Variants in RAD17 observed in about 807,000 individuals in gnomAD.
The protein encoded by RAD17 is cell cycle checkpoint protein RAD17.
RAD17 carries 31 observed loss-of-function variants against 81.5 expected under a neutral mutation model. The observed-to-expected ratio is 0.38, with a 90% CI of 0.29 to 0.51. The LOEUF (loss-of-function observed/expected upper bound fraction) is 0.51. Among genes scored for constraint, RAD17 ranks in the 20% least tolerant of loss-of-function variants. RAD17 has a pLI of 0.88. For missense variants in RAD17, 681 were observed against 781.2 expected (o/e 0.87, Z 1.53); for synonymous variants, 261 against 266.2 (o/e 0.98, Z 0.19).
At chr5:69,393,645 G>T in intron 15 of RAD17, 145 bp downstream of exon 15, 1 of 717,688 alleles carries the variant, frequency 1.4e-6, no homozygotes, top group Non-Finnish European at 2.2e-6. Context: ...AACCAACTCA[G>T]TGTTTATAAT....
chr5:69,371,192 G>T (rs1554037384), intron 2 of RAD17, 21 bp downstream of exon 2: 8 of 498,190 alleles, frequency 1.6e-5, no homozygotes, highest in South Asian at 5.0e-5. Flanking sequence ...AGTATGTGTG[G>T]TTTTTTTGTT....
Position 69,385,045 on chromosome 5 carries a change from T to C in RAD17, c.645+112T>C, listed in dbSNP as rs186670274. 9.0e-3 allele frequency: 8,527 copies of C among 946,598 alleles called. 45 individuals carry two copies. Among genetic ancestry groups the C allele is most frequent in the Non-Finnish European group, 0.01 (7,128 of 689,064 alleles). 58.6% of individuals were successfully genotyped at this position (946,598 alleles called of 1,614,324 possible). On this transcript the variant is annotated intron_variant, in intron 8 of 18. Coordinates refer to ENST00000354868, the MANE Select transcript of RAD17 (RefSeq NM_133338.3). ...CGCGATCTCAGCTCATTGCAAGCTC[T>C]GCCTCCCAGGTTCACGCCATTCTCC...
chr5:69,369,475 T>C, upstream of RAD17: 3 of 1,610,998 alleles, frequency 1.9e-6, no homozygotes, highest in South Asian at 1.1e-5. Flanking sequence ...GTGAGCAGGA[T>C]GTTCGGAAGC....
rs1176020955 is a variant in RAD17, at chr5:69,374,695, A to C, written c.335A>C (p.Glu112Ala). 4 of 1,609,976 alleles carry C rather than the reference A, an allele frequency of 2.5e-6. No homozygotes were observed. The East Asian group carries it at 8.9e-5, about 36-fold the overall frequency. Residue 112 changes from glutamate (E) to alanine (A), a missense_variant, in exon 6 of 19, where the codon GAA (glutamate) becomes GCA (alanine). Coordinates refer to ENST00000354868, the MANE Select transcript of RAD17 (RefSeq NM_133338.3). ...ACCTGGTTAAAAGCTCAAGTTTTAG[A>C]AAGGCAACCAAAACAGGTAACTAAG... ...VETWLKAQVL[E>A]RQPKQGGSIL...
chr5:69,403,737 C>T (rs143665858), intron 17 of RAD17, among the ~76,000 whole-genome samples: 4 of 152,068 alleles, frequency 2.6e-5, no homozygotes, highest in Admixed American at 6.6e-5. Context: ...CTAGGCAACA[C>T]GGTGATACCT....
intron 1 of RAD17, 108 bp downstream of exon 1, chr5:69,370,041 C>T (rs955566337): frequency 5.7e-6 from 2 of 348,890 alleles, no homozygotes; most frequent in Admixed American, 4.9e-5. Context: ...CCCGACCCGC[C>T]CATCCCATCT....
At chr5:69,405,162 T>C (rs577791214) in intron 17 of RAD17, among the ~76,000 whole-genome samples, 1 of 152,170 alleles carries the variant, frequency 6.6e-6, no homozygotes, top group East Asian at 1.9e-4. Flanking sequence ...TTAGTAAGAA[T>C]GTAAATTAGT....
chr5:69,378,657 A>G (rs758236403), intron 6 of RAD17, among the ~76,000 whole-genome samples: 2 of 152,240 alleles, frequency 1.3e-5, no homozygotes, highest in Non-Finnish European at 2.9e-5. Context: ...TCAACCCATC[A>G]ATATATAGCC....
At chr5:69,406,999 ATTTTTT>A (rs66894670) in intron 17 of RAD17, among the ~76,000 whole-genome samples, 1 of 82,672 alleles carries the variant, frequency 1.2e-5, no homozygotes. Flanking sequence ...TTTGTAGTAG[ATTTTTT>A]TTTTTTTTTT....
chr5:69,377,568 TATGC>T (rs1763502952), intron 6 of RAD17, among the ~76,000 whole-genome samples: 3 of 45,616 alleles, frequency 6.6e-5, no homozygotes, highest in Non-Finnish European at 1.4e-4. Context: ...TGTATATATA[TATGC>T]ATATATATGT....
At chr5:69,385,968 C>T (rs1309518359) in intron 8 of RAD17, 75 bp from the exon 9 acceptor site, 3 of 1,329,222 alleles carry the variant, frequency 2.3e-6, no homozygotes, top group South Asian at 3.8e-5. Context: ...TTGCCTACCT[C>T]AATAAATATA....
At position 69,404,075 on chromosome 5, in the gene RAD17, AAAATACACATTAC is replaced by A. The variant is rs1331264365; in HGVS notation, c.1693+3910_1693+3922del. ...TGATCATTAATGAAATATGGCCCTT[AAAATACACATTAC>A]AAAAGAGAAACTGATGGTAAAATTG... On this transcript the variant is annotated intron_variant, in intron 17 of 18. Coordinates refer to ENST00000354868, the MANE Select transcript of RAD17 (RefSeq NM_133338.3). Among the ~76,000 whole-genome samples the A allele has an allele frequency of 2.6e-5, 4 of 152,340 alleles. 1 individual carries two copies. The highest frequency in any genetic ancestry group is 9.6e-5 in the African/African-American group (4 of 41,584).
At chr5:69,381,817 A>G (rs963613940) in intron 6 of RAD17, 84 bp from the exon 7 acceptor site, 2 of 984,780 alleles carry the variant, frequency 2.0e-6, no homozygotes, top group Non-Finnish European at 2.9e-6. Flanking sequence ...ATAGAAGTAA[A>G]TATATTTAGA....
chr5:69,369,726 C>T (rs1360671954), upstream of RAD17: 2 of 1,549,110 alleles, frequency 1.3e-6, no homozygotes, highest in Non-Finnish European at 1.7e-6. Flanking sequence ...TACTTCGGGT[C>T]AGGCAGTGCG....
intron 4 of RAD17, among the ~76,000 whole-genome samples, chr5:69,372,638 G>T (rs1028278251): frequency 2.6e-5 from 4 of 151,536 alleles, no homozygotes; most frequent in African/African-American, 4.9e-5. Context: ...TTGAGACAGG[G>T]TCTCACTCTG....
At chr5:69,405,370 A>C (rs1457911071) in intron 17 of RAD17, among the ~76,000 whole-genome samples, 1 of 151,954 alleles carries the variant, frequency 6.6e-6, no homozygotes, top group Non-Finnish European at 1.5e-5. Flanking sequence ...AAAAACACCA[A>C]AAAAACTAAA....
At chr5:69,407,864 T>G (rs1179594196) in intron 17 of RAD17, among the ~76,000 whole-genome samples, 2 of 152,226 alleles carry the variant, frequency 1.3e-5, no homozygotes, top group African/African-American at 4.8e-5. Context: ...TGTCCAAGTT[T>G]GATGATACTT....
chr5:69,408,581 G>A (rs1046059277), intron 17 of RAD17, among the ~76,000 whole-genome samples: 1 of 141,280 alleles, frequency 7.1e-6, no homozygotes, highest in Non-Finnish European at 1.5e-5. Context: ...TGGTACGATG[G>A]CTGACTGCAA....
chr5:69,374,050 A>G lies in RAD17; in HGVS notation c.230A>G (p.Asn77Ser). The change falls in exon 5 of 19, where the codon AAT (asparagine) becomes AGT (serine). Residue 77 changes from asparagine to serine, a missense_variant. Asn to Ser is a conservative substitution (Grantham distance 46). Transcript: ENST00000354868. ...AATTCAAAAGAATATCTGTCTGAAA[A>G]TGAACCATGGGTGGATAAATATAAA... ...LENSKEYLSENEPWVDKYKPE... is the reference protein window; with the variant it reads ...LENSKEYLSESEPWVDKYKPE... 1.9e-6 allele frequency: 3 copies of G among 1,611,226 alleles called. No homozygotes were observed. Among genetic ancestry groups the G allele is most frequent in the Non-Finnish European group, 1.7e-6 (2 of 1,178,204 alleles).
Sources: gnomAD v4.1 joint callset for allele counts (sites outside exome capture counted in the v4.1 genomes callset) on GRCh38, gnomAD v4.1.1 for gene constraint, MANE v1.5 for transcripts, NCBI Gene and HGNC (gene_info 2026-07-23, HGNC 2026-07-21) for gene names.